Variants in CFAP74 observed in about 807,000 individuals in gnomAD.
CFAP74 encodes cilia- and flagella-associated protein 74.
CFAP74 carries 124 observed loss-of-function variants against 188.9 expected under a neutral mutation model. The ratio of observed to expected loss-of-function variants is 0.66; its 90% CI spans 0.57 to 0.76. The LOEUF (loss-of-function observed/expected upper bound fraction) is 0.76, where lower values mean the gene tolerates loss of function less well. CFAP74 is among the 30% of genes least tolerant of loss of function. The pLI is 0.00. For synonymous variants in CFAP74, 956 were observed against 916.7 expected (o/e 1.04, Z -0.77); for missense variants, 2,198 against 2,165.2 (o/e 1.02, Z -0.30).
At chr1:1,932,172 A>G (rs1323439370) in intron 25 of CFAP74, among the ~76,000 whole-genome samples, 4 of 151,212 alleles carry the variant, frequency 2.6e-5, no homozygotes, top group South Asian at 2.1e-4. Flanking sequence ...TGAGGCGGGC[A>G]GATCACGAGG....
chr1:1,952,691 T>C (rs1308354911), intron 18 of CFAP74, among the ~76,000 whole-genome samples: 2 of 152,126 alleles, frequency 1.3e-5, no homozygotes, highest in Non-Finnish European at 2.9e-5. Context: ...ACAGGGTCTC[T>C]GTCGCCCAGG....
In CFAP74 at chr1:1,944,019, G is replaced by A. The variant is rs191159623; in HGVS notation, c.2486+312C>T. ...CTGTGACGCCTCCCGTGATGACACT[G>A]GCGCCTCCCAGATGATCCTGGATCA... On this transcript the variant is annotated intron_variant, in intron 21 of 38. Coordinates refer to ENST00000682832, the MANE Select transcript of CFAP74 (RefSeq NM_001304360.2). Among the ~76,000 whole-genome samples the A allele has an allele frequency of 3.4e-3, 516 of 152,286 alleles. 2 individuals are homozygous for A. The highest frequency in any genetic ancestry group is 2.9e-3 in the Non-Finnish European group (195 of 68,012).
chr1:1,922,944 A>G, intron 37 of CFAP74, 41 bp downstream of exon 37: 1 of 1,534,814 alleles, frequency 6.5e-7, no homozygotes, highest in South Asian at 1.3e-5. Context: ...GGGGAGGCCG[A>G]GGGGGCTGCC....
At position 1,990,942 on chromosome 1, in the gene CFAP74, G is replaced by A. The variant is rs1239103654; in HGVS notation, c.15C>T (p.Gly5=). 1 of 1,612,750 alleles carries A rather than the reference G, an allele frequency of 6.2e-7. No homozygotes were observed. Among genetic ancestry groups the A allele is most frequent in the East Asian group, 2.2e-5 (1 of 44,830 alleles). Residue 5 remains glycine (G), a synonymous_variant, in exon 2 of 39, where the codon GGC becomes GGT. Transcript: ENST00000682832. ...AAAGCTCGTCCTCAGGGAGCAGGCT[G>A]CCGTCATCCTCCATGCTGGGAGATA... The part of the protein sequence containing the change: MEDD[G]SLLPEDELLA...
At chr1:1,987,886 G>A (rs112965000) in intron 4 of CFAP74, 17,145 of 334,872 alleles carry the variant, frequency 0.051, 1,753 homozygotes, top group African/African-American at 0.26. Flanking sequence ...AGCCGAGGAG[G>A]GAAATCGTAG....
intron 23 of CFAP74, among the ~76,000 whole-genome samples, chr1:1,940,091 G>A (rs1653261953): frequency 6.6e-6 from 1 of 152,372 alleles, no homozygotes; most frequent in East Asian, 1.9e-4. Flanking sequence ...AGGTGCAGGT[G>A]CCTGGGACAC....
At chr1:1,988,758 G>C (rs550523996) in intron 3 of CFAP74, 103 bp from the exon 4 acceptor site, 2 of 1,465,080 alleles carry the variant, frequency 1.4e-6, no homozygotes, top group South Asian at 2.4e-5. Context: ...TCTGCTTCAG[G>C]GCGGGAGCTG....
chr1:1,993,952 A>C (rs1319481239), intron 1 of CFAP74, among the ~76,000 whole-genome samples: 1 of 151,296 alleles, frequency 6.6e-6, no homozygotes, highest in African/African-American at 2.4e-5. Context: ...ACTGCACTCC[A>C]GCCTGGGCGA....
At chr1:1,969,746 T>C (rs532268281) in intron 10 of CFAP74, among the ~76,000 whole-genome samples, 2 of 152,198 alleles carry the variant, frequency 1.3e-5, no homozygotes, top group Admixed American at 6.5e-5. Flanking sequence ...TGGAGAACTC[T>C]GATCGTGACT....
At chr1:1,987,099 G>A in intron 4 of CFAP74, 64 bp from the exon 5 acceptor site, 1 of 1,414,610 alleles carries the variant, frequency 7.1e-7, no homozygotes, top group Non-Finnish European at 9.8e-7. Flanking sequence ...AAGTGACAGT[G>A]GGCGTGGCAA....
intron 19 of CFAP74, 126 bp from the exon 20 acceptor site, chr1:1,946,565 C>T: frequency 8.2e-7 from 1 of 1,215,752 alleles, no homozygotes; most frequent in Non-Finnish European, 1.1e-6. Context: ...TGGGTGGCCA[C>T]TTGGCCACAG....
chr1:1,922,970 C>T lies in CFAP74; in HGVS notation c.4683+15G>A. On this transcript the variant is annotated intron_variant, in intron 37 of 38. Coordinates refer to ENST00000682832, the MANE Select transcript of CFAP74 (RefSeq NM_001304360.2). ...GGGGGCTGCCTGGTGTCCCCAGGGG[C>T]AGTGCTGTGGGCACCTTCTTTGGAG... 1 of 1,563,312 alleles carries T rather than the reference C, an allele frequency of 6.4e-7. No individual in the cohort carries two copies. The highest frequency in any genetic ancestry group is 2.3e-5 in the East Asian group (1 of 44,424).
At chr1:1,953,643 G>A (rs1558019807) in intron 18 of CFAP74, 2 of 153,624 alleles carry the variant, frequency 1.3e-5, no homozygotes. Flanking sequence ...GAATGGGATA[G>A]CAGAGTCCAC....
At position 1,980,495 on chromosome 1, in the gene CFAP74, C is replaced by A. The variant is rs979634557; in HGVS notation, c.500+4891G>T. ...CCACCGGCACAGATCGCAGTGGGCG[C>A]CTCACAGCAGCCCCCGGGCACAGGG... On this transcript the variant is annotated intron_variant, in intron 6 of 38. Transcript: ENST00000682832. Among the ~76,000 whole-genome samples the A allele has an allele frequency of 1.3e-4, 19 of 146,580 alleles. 3 individuals are homozygous for A. Among genetic ancestry groups the A allele is most frequent in the African/African-American group, 4.7e-4 (18 of 38,448 alleles).
At chr1:1,954,897 A>G in intron 18 of CFAP74, 1 of 1,141,224 alleles carries the variant, frequency 8.8e-7, no homozygotes, top group South Asian at 1.7e-5. Flanking sequence ...GCCAAGGGGC[A>G]GTGCAGAACG....
rs144603530 is a variant in CFAP74, at chr1:2,000,265, A to C, written c.-20+3436T>G. 3.0e-3 allele frequency among the ~76,000 whole-genome samples: 452 copies of C among 152,380 alleles called. 2 individuals are homozygous for C. Among genetic ancestry groups the C allele is most frequent in the African/African-American group, 0.01 (434 of 41,594 alleles). ...TGTAAGGAATATCCATGAATGGATA[A>C]AGACAGACAGCCCCACAGCAAAATG... On this transcript the variant is annotated intron_variant, in intron 1 of 38. Coordinates refer to ENST00000682832, the MANE Select transcript of CFAP74 (RefSeq NM_001304360.2).
chr1:1,966,179 G>C (rs1655454863), intron 12 of CFAP74, among the ~76,000 whole-genome samples, 192 bp downstream of exon 12: 1 of 152,244 alleles, frequency 6.6e-6, no homozygotes, highest in African/African-American at 2.4e-5. Context: ...GCTCCGCGAA[G>C]AGGGAAAGGC....
intron 8 of CFAP74, 137 bp downstream of exon 8, chr1:1,972,800 C>T (rs2102082377): frequency 1.4e-6 from 1 of 696,126 alleles, no homozygotes; most frequent in Middle Eastern, 2.8e-4. Flanking sequence ...CGAGATCGCG[C>T]CACGGCACCC....
chr1:1,955,384 C>T, intron 18 of CFAP74: 1 of 1,379,490 alleles, frequency 7.2e-7, no homozygotes, highest in South Asian at 1.2e-5. Flanking sequence ...CCCGGCCCCT[C>T]CAGGGGGCAC....
Sources: allele counts gnomAD v4.1 joint callset (sites outside exome capture counted in the v4.1 genomes callset), GRCh38; gene constraint gnomAD v4.1.1; transcripts MANE v1.5; gene names NCBI Gene and HGNC (gene_info 2026-07-23, HGNC 2026-07-21).